LRP2BP: variants seen among roughly 807,000 people sequenced by gnomAD.
The protein encoded by LRP2BP is LRP2 binding protein, also known as LRP2-binding protein.
In LRP2BP, 38 loss-of-function variants were observed where a neutral mutation model predicts 45.2. The ratio of observed to expected loss-of-function variants is 0.84; its 90% CI spans 0.65 to 1.10. The LOEUF (loss-of-function observed/expected upper bound fraction) is 1.10. Among genes scored for constraint, LRP2BP ranks in the 50% least tolerant of loss-of-function variants. The pLI is 0.00. For synonymous variants in LRP2BP, 153 were observed against 153.9 expected (o/e 0.99, Z 0.04); for missense variants, 385 against 418.9 (o/e 0.92, Z 0.71).
Position 185,395,611 on chromosome 4 carries a change from TTA to T in LRP2BP, c.-856_-855del. On this transcript the variant is annotated 5_prime_UTR_variant, in exon 1 of 9. Coordinates refer to ENST00000505916, the MANE Select transcript of LRP2BP (RefSeq NM_001377440.1). Reference sequence around the variant, plus strand: ...CGATTCTATATATTTGAACACACATTTATATTCAAATATTCATATGAATAAAA... The same window carrying T: ...CGATTCTATATATTTGAACACACATTTATTCAAATATTCATATGAATAAAA... The T allele has an allele frequency of 2.0e-6, 2 of 978,954 alleles. No individual in the cohort carries two copies. The highest frequency in any genetic ancestry group is 1.2e-6 in the Non-Finnish European group (1 of 823,986). The allele number at this position is 978,954 out of a possible 1,614,324, so 60.6% of individuals were successfully genotyped here. A position where few individuals can be genotyped will look rare whatever the true frequency, so the allele number is the denominator to read the frequency against.
intron 6 of LRP2BP, among the ~76,000 whole-genome samples, chr4:185,373,624 T>C (rs1403579573): frequency 6.6e-6 from 1 of 152,182 alleles, no homozygotes; most frequent in African/African-American, 2.4e-5. Flanking sequence ...ATGGCCTTAG[T>C]TGTTATGTGT....
rs1437549293 is a variant in LRP2BP, at chr4:185,370,303, A to G, written c.978+337T>C. On this transcript the variant is annotated intron_variant, in intron 8 of 8. Transcript: ENST00000505916. ...CTAGAATAAAAAACTTCATTACTGTACTAGAATGAACGTATACATTCACAC... is the reference window on the plus strand; with the variant it reads ...CTAGAATAAAAAACTTCATTACTGTGCTAGAATGAACGTATACATTCACAC... The G allele has an allele frequency of 1.8e-5, 4 of 228,566 alleles. No homozygotes were observed. The East Asian group carries it at 3.7e-4, about 21-fold the overall frequency. 14.2% of individuals were successfully genotyped at this position (228,566 alleles called of 1,614,324 possible).
chr4:185,387,940 T>TC (rs2095476511), intron 1 of LRP2BP, among the ~76,000 whole-genome samples: 1 of 152,124 alleles, frequency 6.6e-6, no homozygotes, highest in Non-Finnish European at 1.5e-5. Flanking sequence ...TAACTCCTTT[T>TC]CCCCACTGTC....
At chr4:185,381,321 T>C (rs2095455531) in intron 1 of LRP2BP, among the ~76,000 whole-genome samples, 1 of 152,220 alleles carries the variant, frequency 6.6e-6, no homozygotes, top group African/African-American at 2.4e-5. Flanking sequence ...TTATCTTTTC[T>C]ACTTGATGGA....
At chr4:185,384,796 A>G (rs1169563687) in intron 1 of LRP2BP, among the ~76,000 whole-genome samples, 1 of 152,080 alleles carries the variant, frequency 6.6e-6, no homozygotes, top group Non-Finnish European at 1.5e-5. Context: ...CACATATATG[A>G]TGAAAAATTA....
rs1332359144 is a variant in LRP2BP, at chr4:185,395,823, A to G, written c.-1066T>C. Reference sequence around the variant, plus strand: ...TTTATTTCTCCGAGCTTTCAAAGGCATCAACAGAAGGGAATCACTAAAAAT... The same window carrying G: ...TTTATTTCTCCGAGCTTTCAAAGGCGTCAACAGAAGGGAATCACTAAAAAT... On this transcript the variant is annotated 5_prime_UTR_variant, in exon 1 of 9. It removes an upstream start codon present in the reference 5' UTR. Transcript: ENST00000505916. 3.0e-6 allele frequency: 3 copies of G among 985,352 alleles called. No homozygotes were observed. Among genetic ancestry groups the G allele is most frequent in the Non-Finnish European group, 3.6e-6 (3 of 829,940 alleles). 61.0% of individuals were successfully genotyped at this position (985,352 alleles called of 1,614,324 possible). A position where few individuals can be genotyped will look rare whatever the true frequency, so the allele number is the denominator to read the frequency against.
Position 185,366,048 on chromosome 4 carries a change from T to C in LRP2BP, c.*1132A>G, listed in dbSNP as rs2095387067. The C allele has an allele frequency of 6.6e-6, 1 of 152,230 alleles. No homozygotes were observed. Among genetic ancestry groups the C allele is most frequent in the South Asian group, 2.1e-4 (1 of 4,830 alleles). 9.4% of individuals were successfully genotyped at this position (152,230 alleles called of 1,614,324 possible). A position where few individuals can be genotyped will look rare whatever the true frequency, so the allele number is the denominator to read the frequency against. ...TTTAAATCCACTGTTGGGATGGTTGTGATTTATAAAATAAAGCCACATCCT... is the reference window on the plus strand; with the variant it reads ...TTTAAATCCACTGTTGGGATGGTTGCGATTTATAAAATAAAGCCACATCCT... On this transcript the variant is annotated 3_prime_UTR_variant, in exon 9 of 9. Coordinates refer to ENST00000505916, the MANE Select transcript of LRP2BP (RefSeq NM_001377440.1).
At chr4:185,367,449 C>T (rs1487466277) in intron 8 of LRP2BP, among the ~76,000 whole-genome samples, 1 of 152,054 alleles carries the variant, frequency 6.6e-6, no homozygotes, top group Non-Finnish European at 1.5e-5. Context: ...ATGTTATTCT[C>T]ATTTGAAAGA....
intron 8 of LRP2BP, among the ~76,000 whole-genome samples, chr4:185,367,975 C>G (rs2095396166): frequency 6.6e-6 from 1 of 152,062 alleles, no homozygotes; most frequent in Non-Finnish European, 1.5e-5. Flanking sequence ...GTCAGGAGAT[C>G]GAGACCATCC....
At position 185,367,104 on chromosome 4, in the gene LRP2BP, C is replaced by T; in HGVS notation, c.*76G>A. On this transcript the variant is annotated 3_prime_UTR_variant, in exon 9 of 9. Transcript: ENST00000505916. Reference sequence around the variant, plus strand: ...GTGTAATTTGTGATGTGCAAAATAACCAAACATAGCTACTGTAAAAATACA... The same window carrying T: ...GTGTAATTTGTGATGTGCAAAATAATCAAACATAGCTACTGTAAAAATACA... 7.9e-7 allele frequency: 1 copy of T among 1,260,880 alleles called. No individual in the cohort carries two copies. The highest frequency in any genetic ancestry group is 1.1e-6 in the Non-Finnish European group (1 of 874,990). 78.1% of individuals were successfully genotyped at this position (1,260,880 alleles called of 1,614,324 possible).
intron 8 of LRP2BP, among the ~76,000 whole-genome samples, chr4:185,368,200 A>G (rs1420828923): frequency 6.6e-6 from 1 of 152,178 alleles, no homozygotes; most frequent in Non-Finnish European, 1.5e-5. Flanking sequence ...ACTTTCCCTT[A>G]TTTTAGGCTG....
intron 1 of LRP2BP, among the ~76,000 whole-genome samples, chr4:185,379,324 G>A (rs915797539): frequency 3.9e-5 from 6 of 152,166 alleles, no homozygotes; most frequent in African/African-American, 7.2e-5. Context: ...AATCCCTATC[G>A]GATGGTGCAG....
chr4:185,379,812 TTCTCTCTC>T (rs34458591), intron 1 of LRP2BP, among the ~76,000 whole-genome samples: 5 of 149,708 alleles, frequency 3.3e-5, no homozygotes, highest in Admixed American at 1.3e-4. Context: ...ACCTGCGCAC[TTCTCTCTC>T]TCTCTCTCTC....
rs184393384 is a variant in LRP2BP at position 185,395,448 on chromosome 4, T to C, written c.-691A>G. 5.1e-5 allele frequency: 50 copies of C among 985,074 alleles called. No homozygotes were observed. In the East Asian group the frequency reaches 5.3e-3, roughly 105 times the overall value. The allele number at this position is 985,074 out of a possible 1,614,324, so 61.0% of individuals were successfully genotyped here. ...TAAAAAGCAGTGCTTATTGAATTGATAAACAAAAGCGAAACTGGCAATATC... is the reference window on the plus strand; with the variant it reads ...TAAAAAGCAGTGCTTATTGAATTGACAAACAAAAGCGAAACTGGCAATATC... On this transcript the variant is annotated 5_prime_UTR_variant, in exon 1 of 9. Coordinates refer to ENST00000505916, the MANE Select transcript of LRP2BP (RefSeq NM_001377440.1).
At chr4:185,382,193 G>A (rs1443114636) in intron 1 of LRP2BP, among the ~76,000 whole-genome samples, 2 of 152,128 alleles carry the variant, frequency 1.3e-5, no homozygotes, top group African/African-American at 4.8e-5. Flanking sequence ...TTTGTTGCAT[G>A]TATCAATATT....
At chr4:185,368,826 C>G (rs564324358) in intron 8 of LRP2BP, among the ~76,000 whole-genome samples, 1 of 147,346 alleles carries the variant, frequency 6.8e-6, no homozygotes, top group Non-Finnish European at 1.5e-5. Flanking sequence ...TGGAGTCTCA[C>G]TGTGTTGCCC....
rs2095500473 is a variant in LRP2BP, at chr4:185,395,755, G to C, written c.-998C>G. 1.0e-6 allele frequency: 1 copy of C among 985,276 alleles called. No individual in the cohort carries two copies. The highest frequency in any genetic ancestry group is 6.1e-5 in the Admixed American group (1 of 16,274). 61.0% of individuals were successfully genotyped at this position (985,276 alleles called of 1,614,324 possible). ...ATGAAAAGACCACTTATCTTTAGAG[G>C]ACAAGCATGAACTTGTTTTCTAACA... On this transcript the variant is annotated 5_prime_UTR_variant, in exon 1 of 9. Coordinates refer to ENST00000505916, the MANE Select transcript of LRP2BP (RefSeq NM_001377440.1).
At chr4:185,382,589 ATT>A (rs1403453232) in intron 1 of LRP2BP, among the ~76,000 whole-genome samples, 2 of 152,162 alleles carry the variant, frequency 1.3e-5, no homozygotes, top group South Asian at 4.1e-4. Flanking sequence ...TTTGATTTGC[ATT>A]TCTCTAATGA....
chr4:185,395,989 A>G (rs1362591423), upstream of LRP2BP: 23 of 846,074 alleles, frequency 2.7e-5, no homozygotes, highest in Non-Finnish European at 3.3e-5. Flanking sequence ...AAAAGCAGTG[A>G]CGCACGCCCG....
Sources: gnomAD v4.1 joint callset for allele counts (sites outside exome capture counted in the v4.1 genomes callset) on GRCh38, gnomAD v4.1.1 for gene constraint, MANE v1.5 for transcripts, NCBI Gene and HGNC (gene_info 2026-07-23, HGNC 2026-07-21) for gene names.